RSF1: variants seen among roughly 807,000 people sequenced by gnomAD.
The protein encoded by RSF1 is remodeling and spacing factor 1, also known as HBV pX-associated protein 8.
Under a neutral mutation model 145.2 loss-of-function variants are expected in RSF1, and 13 were observed. The observed-to-expected ratio is 0.09, with a 90% CI of 0.06 to 0.14. The LOEUF (loss-of-function observed/expected upper bound fraction) is 0.14, where lower values mean the gene tolerates loss of function less well. Ranked by LOEUF, RSF1 falls within the 10% of genes least tolerant of loss-of-function variation. RSF1 has a pLI of 1.00. For synonymous variants in RSF1, 577 were observed against 592.6 expected (o/e 0.97, Z 0.38); for missense variants, 1,517 against 1,718.2 (o/e 0.88, Z 2.07).
chr11:77,802,647 G>A (rs564447707), intron 1 of RSF1, among the ~76,000 whole-genome samples: 4 of 152,190 alleles, frequency 2.6e-5, no homozygotes, highest in South Asian at 2.1e-4. Context: ...GGGTTCAAGC[G>A]ATTCTCCTGC....
chr11:77,792,374 C>A (rs1002257335), intron 1 of RSF1, among the ~76,000 whole-genome samples: 15 of 152,122 alleles, frequency 9.9e-5, no homozygotes, highest in African/African-American at 3.6e-4. Flanking sequence ...CCCCACTCTC[C>A]CAGCCCATGC....
chr11:77,706,075 C>A (rs751870241), intron 5 of RSF1, among the ~76,000 whole-genome samples: 4 of 151,860 alleles, frequency 2.6e-5, no homozygotes, highest in Non-Finnish European at 5.9e-5. Flanking sequence ...AACCCTGTCT[C>A]TACTAAAGAT....
rs1008520209 is a variant in RSF1, at chr11:77,665,015, A to G, written c.*1902T>C. The G allele has an allele frequency of 3.9e-5, 6 of 152,198 alleles. No individual in the cohort carries two copies. Among genetic ancestry groups the G allele is most frequent in the Non-Finnish European group, 8.8e-5 (6 of 68,038 alleles). The allele number at this position is 152,198 out of a possible 1,614,324, so 9.4% of individuals were successfully genotyped here. ...AGATACATACACATTGCTAGAATCA[A>G]AGCAAAAATATTAATGGGCAGGTAC... is the stretch of plus-strand genomic sequence containing the variant. On this transcript the variant is annotated 3_prime_UTR_variant, in exon 16 of 16. Transcript: ENST00000308488.
At chr11:77,856,290 G>A in the RSF1 span, among the ~76,000 whole-genome samples, 1 of 152,098 alleles carries the variant, frequency 6.6e-6, no homozygotes, top group Admixed American at 6.5e-5. Flanking sequence ...GACCTTCTCA[G>A]CCTGGACTTC....
At chr11:77,771,779 A>G (rs1289663634) in intron 1 of RSF1, among the ~76,000 whole-genome samples, 1 of 152,208 alleles carries the variant, frequency 6.6e-6, no homozygotes, top group Non-Finnish European at 1.5e-5. Context: ...AAATGTCCAT[A>G]GGATAGAGAT....
chr11:77,757,378 C>T (rs571985479), intron 2 of RSF1, among the ~76,000 whole-genome samples: 4 of 152,236 alleles, frequency 2.6e-5, no homozygotes, highest in Middle Eastern at 6.8e-3. Context: ...TCTGGAGGCA[C>T]TAACAGCAAA....
chr11:77,722,124 A>G (rs555290649), intron 5 of RSF1, among the ~76,000 whole-genome samples: 119 of 152,252 alleles, frequency 7.8e-4, no homozygotes, highest in African/African-American at 2.7e-3. Flanking sequence ...AGATTGCAGC[A>G]TACTATGATT....
rs185816913 is a variant in RSF1, at chr11:77,667,601, C to A, written c.3752-110G>T. The A allele has an allele frequency of 9.4e-4, 892 of 945,208 alleles. 3 individuals are homozygous for A. Among genetic ancestry groups the A allele is most frequent in the East Asian group, 3.8e-3 (148 of 39,278 alleles). 58.6% of individuals were successfully genotyped at this position (945,208 alleles called of 1,614,324 possible). On this transcript the variant is annotated intron_variant, in intron 15 of 15. Transcript: ENST00000308488. ...CGTCCTGCTTTCAGAATTGCTTGTACCTAAATGTTTCCTTTCAATAATTGG... is the reference window on the plus strand; with the variant it reads ...CGTCCTGCTTTCAGAATTGCTTGTAACTAAATGTTTCCTTTCAATAATTGG...
chr11:77,778,464 CAT>C (rs1051900434), intron 1 of RSF1, among the ~76,000 whole-genome samples: 3 of 152,212 alleles, frequency 2.0e-5, no homozygotes, highest in African/African-American at 4.8e-5. Context: ...GGTTATCAAA[CAT>C]GTGGAAACTT....
chr11:77,813,258 CAA>C, intron 1 of RSF1: 2 of 637,802 alleles, frequency 3.1e-6, no homozygotes, highest in Non-Finnish European at 5.7e-6. Context: ...TGAATGGGAT[CAA>C]GTCTGCCATT....
At chr11:77,855,877 G>A in the RSF1 span, among the ~76,000 whole-genome samples, 1,310 of 152,132 alleles carry the variant, frequency 8.6e-3, 10 homozygotes, top group Non-Finnish European at 0.015. Context: ...AGGTTATGAG[G>A]TGGGCCAAGG....
At chr11:77,806,186 T>C (rs534175641) in intron 1 of RSF1, among the ~76,000 whole-genome samples, 49 of 151,766 alleles carry the variant, frequency 3.2e-4, no homozygotes, top group African/African-American at 1.2e-3. Context: ...CTGGTGAAGA[T>C]CATATAAATC....
chr11:77,743,240 G>A (rs1286608734), intron 3 of RSF1, among the ~76,000 whole-genome samples: 1 of 152,148 alleles, frequency 6.6e-6, no homozygotes, highest in Non-Finnish European at 1.5e-5. Flanking sequence ...GGTTCCATAT[G>A]AATTTTAGGG....
At chr11:77,677,180 G>A (rs1019732691) in intron 12 of RSF1, 181 bp from the exon 13 acceptor site, 12 of 591,390 alleles carry the variant, frequency 2.0e-5, no homozygotes, top group Admixed American at 1.9e-4. Context: ...TTTAGCATTC[G>A]TTTACCCTAC....
At chr11:77,818,522 C>T (rs537157909) in intron 1 of RSF1, among the ~76,000 whole-genome samples, 3 of 152,278 alleles carry the variant, frequency 2.0e-5, no homozygotes, top group African/African-American at 7.2e-5. Context: ...TGGTGGCTCA[C>T]GCCTGTAAAG....
intron 6 of RSF1, 60 bp downstream of exon 6, chr11:77,700,661 C>CA: frequency 7.6e-7 from 1 of 1,314,372 alleles, no homozygotes; most frequent in East Asian, 2.6e-5. Context: ...TAGACAAAAC[C>CA]AAAAAACCTA....
chr11:77,854,721 G>A, the RSF1 span, among the ~76,000 whole-genome samples: 89 of 152,282 alleles, frequency 5.8e-4, 2 homozygotes, highest in South Asian at 0.017. Flanking sequence ...GGTGCAAGCC[G>A]TTGGTGGATC....
chr11:77,698,620 T>C lies in RSF1; in HGVS notation c.2582A>G (p.Glu861Gly). 1.2e-6 allele frequency: 2 copies of C among 1,614,200 alleles called. No homozygotes were observed. The highest frequency in any genetic ancestry group is 2.2e-5 in the East Asian group (1 of 44,874). ...RGRWKYSSNDESEGSGSEKSS... is the reference protein window; with the variant it reads ...RGRWKYSSNDGSEGSGSEKSS... ...TTTTTCACTGCCAGACCCTTCACTT[T>C]CATCATTGCTGGAATATTTCCATCT... Residue 861 changes from glutamate to glycine, a missense_variant, in exon 7 of 16, where the codon GAA becomes GGA. Coordinates refer to ENST00000308488, the MANE Select transcript of RSF1 (RefSeq NM_016578.4).
At chr11:77,707,151 T>A (rs1256198856) in intron 5 of RSF1, among the ~76,000 whole-genome samples, 1 of 152,218 alleles carries the variant, frequency 6.6e-6, no homozygotes, top group Non-Finnish European at 1.5e-5. Flanking sequence ...TTTACAAATC[T>A]ATGTATCCTA....
Sources: gnomAD v4.1 joint callset for allele counts (sites outside exome capture counted in the v4.1 genomes callset) on GRCh38, gnomAD v4.1.1 for gene constraint, MANE v1.5 for transcripts, NCBI Gene and HGNC (gene_info 2026-07-23, HGNC 2026-07-21) for gene names.